ADARB1: variants seen among roughly 807,000 people sequenced by gnomAD.
The protein encoded by ADARB1 is adenosine deaminase RNA specific B1, also known as double-stranded RNA-specific editase 1.
ADARB1 carries 10 observed loss-of-function variants against 52.4 expected under a neutral mutation model. The ratio of observed to expected loss-of-function variants is 0.19; its 90% CI spans 0.12 to 0.32. The LOEUF (loss-of-function observed/expected upper bound fraction) is 0.32, where lower values mean the gene tolerates loss of function less well. Ranked by LOEUF, ADARB1 falls within the 10% of genes least tolerant of loss-of-function variation. The probability of loss-of-function intolerance (pLI) is 1.00; values close to 1 mark genes in which losing one functional copy is unlikely to be tolerated. For missense variants in ADARB1, 643 were observed against 922.3 expected (o/e 0.70, Z 3.92); for synonymous variants, 349 against 371.1 (o/e 0.94, Z 0.68).
rs572938428 is a variant in ADARB1, at chr21:45,183,608, A to C, written c.1396+98A>C. On this transcript the variant is annotated intron_variant, in intron 7 of 10. Transcript: ENST00000348831. ...TATCCCTTTTCCTTTTTTTCTTTTT[A>C]TTTTTAGACTTGGATGTGGATCTGA... 1.1e-5 allele frequency: 15 copies of C among 1,373,940 alleles called. No homozygotes were observed. The East Asian group carries it at 1.7e-4, about 16-fold the overall frequency. The allele number at this position is 1,373,940 out of a possible 1,614,324, so 85.1% of individuals were successfully genotyped here.
intron 9 of ADARB1, among the ~76,000 whole-genome samples, chr21:45,219,241 G>A (rs2092920005): frequency 6.6e-6 from 1 of 152,190 alleles, no homozygotes; most frequent in African/African-American, 2.4e-5. Flanking sequence ...AGAACTGAAT[G>A]GTGGCTAGGT....
At position 45,222,221 on chromosome 21, in the gene ADARB1, G is replaced by A; in HGVS notation, c.*24G>A. On this transcript the variant is annotated 3_prime_UTR_variant, in exon 11 of 11. Transcript: ENST00000348831. ...GACCCGGGCAGACATGATGGGGGGTGCAGGGGGCTGTGGGCATCCAGCGTC... is the reference window on the plus strand; with the variant it reads ...GACCCGGGCAGACATGATGGGGGGTACAGGGGGCTGTGGGCATCCAGCGTC... 2 of 1,534,062 alleles carry A rather than the reference G, an allele frequency of 1.3e-6. No individual in the cohort carries two copies. The highest frequency in any genetic ancestry group is 2.1e-5 in the Admixed American group (1 of 47,140).
At chr21:45,126,481 C>T (rs2088590549) in intron 1 of ADARB1, among the ~76,000 whole-genome samples, 1 of 152,186 alleles carries the variant, frequency 6.6e-6, no homozygotes, top group African/African-American at 2.4e-5. Context: ...CTACTGTGAT[C>T]TTAGTCACGG....
intron 1 of ADARB1, among the ~76,000 whole-genome samples, chr21:45,098,584 C>T (rs1214668578): frequency 6.6e-6 from 1 of 152,192 alleles, no homozygotes; most frequent in East Asian, 1.9e-4. Flanking sequence ...TCATCCCCAC[C>T]CTGCCTCTTC....
chr21:45,153,775 A>C (rs530359032), intron 2 of ADARB1, among the ~76,000 whole-genome samples: 19 of 152,288 alleles, frequency 1.2e-4, no homozygotes, highest in African/African-American at 3.1e-4. Flanking sequence ...TGGGGATGCC[A>C]CACCCTCGAT....
At chr21:45,171,587 G>C in intron 2 of ADARB1, 23 bp from the exon 3 acceptor site, 2 of 1,460,930 alleles carry the variant, frequency 1.4e-6, no homozygotes, top group Non-Finnish European at 1.9e-6. Flanking sequence ...CACACTAAAT[G>C]CTATTTTCTT....
intron 4 of ADARB1, among the ~76,000 whole-genome samples, chr21:45,179,002 A>C (rs982599636): frequency 1.3e-5 from 2 of 152,194 alleles, no homozygotes; most frequent in African/African-American, 4.8e-5. Flanking sequence ...TATGAAATGG[A>C]AACTTTTATT....
intron 1 of ADARB1, among the ~76,000 whole-genome samples, chr21:45,090,547 A>G (rs1362230606): frequency 6.6e-6 from 1 of 152,180 alleles, no homozygotes; most frequent in Admixed American, 6.5e-5. Context: ...CAACTGGTTT[A>G]CAAAATTCCT....
At chr21:45,169,012 A>G (rs1310743423) in intron 2 of ADARB1, among the ~76,000 whole-genome samples, 1 of 152,032 alleles carries the variant, frequency 6.6e-6, no homozygotes, top group Non-Finnish European at 1.5e-5. Flanking sequence ...TGGATGGGGG[A>G]TAAGTCCAAG....
chr21:45,109,335 T>C (rs2087426665), intron 1 of ADARB1, among the ~76,000 whole-genome samples: 1 of 152,272 alleles, frequency 6.6e-6, no homozygotes, highest in Non-Finnish European at 1.5e-5. Context: ...CGTATATGTG[T>C]GTGCACGTGT....
At chr21:45,170,553 A>G (rs957034839) in intron 2 of ADARB1, among the ~76,000 whole-genome samples, 4 of 151,824 alleles carry the variant, frequency 2.6e-5, no homozygotes, top group African/African-American at 9.7e-5. Flanking sequence ...AGTTATTAAC[A>G]TGATTTCATG....
chr21:45,129,046 C>T lies in ADARB1; in HGVS notation c.-48+473C>T, dbSNP rs553392647. On this transcript the variant is annotated intron_variant, in intron 2 of 10. Transcript: ENST00000348831. ...AGGAGTTTGAGACCAGCCTGGCCAA[C>T]GTGACGAAACCCCATCTCTACCAAA... Among the ~76,000 whole-genome samples, 10 of 152,214 alleles carry T rather than the reference C, an allele frequency of 6.6e-5. No individual in the cohort carries two copies. In the South Asian group the frequency reaches 1.7e-3, roughly 25 times the overall value.
intron 2 of ADARB1, among the ~76,000 whole-genome samples, chr21:45,148,465 G>T (rs2090119892): frequency 6.6e-6 from 1 of 152,214 alleles, no homozygotes; most frequent in Non-Finnish European, 1.5e-5. Context: ...TAGCACCAGG[G>T]CCTGGGCTCC....
At chr21:45,139,668 C>A (rs565215286) in intron 2 of ADARB1, among the ~76,000 whole-genome samples, 1 of 152,170 alleles carries the variant, frequency 6.6e-6, no homozygotes, top group Non-Finnish European at 1.5e-5. Flanking sequence ...CGCGTGCGCC[C>A]GTGGGCCCTG....
At chr21:45,082,930 C>T (rs1303726872) in intron 1 of ADARB1, among the ~76,000 whole-genome samples, 1 of 152,226 alleles carries the variant, frequency 6.6e-6, no homozygotes, top group African/African-American at 2.4e-5. Flanking sequence ...GCCTTCTTTC[C>T]TGCTGTCCCT....
rs1395066311 is a variant in ADARB1, at chr21:45,128,725, T to A, written c.-48+152T>A. On this transcript the variant is annotated intron_variant, in intron 2 of 10. Transcript: ENST00000348831. The surrounding 1 kb of genome is among the most constrained non-coding windows in gnomAD (Gnocchi z 4.6). The stretch of plus-strand genomic sequence containing the variant: ...CAGATGATCTGTTACTGTTGGTTGA[T>A]TTCTAATCTTACTGCAGCCTTAGCT... Among the ~76,000 whole-genome samples the A allele has an allele frequency of 1.3e-5, 2 of 152,222 alleles. No individual in the cohort carries two copies. Among genetic ancestry groups the A allele is most frequent in the African/African-American group, 4.8e-5 (2 of 41,456 alleles).
At chr21:45,084,827 A>G (rs1196424349) in intron 1 of ADARB1, among the ~76,000 whole-genome samples, 1 of 152,210 alleles carries the variant, frequency 6.6e-6, no homozygotes, top group Non-Finnish European at 1.5e-5. Context: ...GATTAGTAAC[A>G]GTTGGGCACA....
chr21:45,175,632 T>A, intron 3 of ADARB1, 98 bp from the exon 4 acceptor site: 1 of 1,217,718 alleles, frequency 8.2e-7, no homozygotes. Flanking sequence ...CACACATCAC[T>A]TAACCAGTTA....
rs1373050173 is a variant in ADARB1 at position 45,176,286 on chromosome 21, T to C, written c.585T>C (p.Asn195=). Residue 195 remains asparagine (N), a synonymous_variant, in exon 4 of 11, where the codon AAT becomes AAC. Coordinates refer to ENST00000348831, the MANE Select transcript of ADARB1 (RefSeq NM_001112.4). This position sits in a 1 kb window ranked among gnomAD's most constrained non-coding sequence, Gnocchi z 5.8. The part of the protein sequence containing the change: ...KAEPPFYVGS[N]GDDSFSSSGD... Reference sequence around the variant, plus strand: ...AGCCTCCCTTTTACGTGGGCTCCAATGGGGATGACTCCTTCAGTTCCAGCG... The same window carrying C: ...AGCCTCCCTTTTACGTGGGCTCCAACGGGGATGACTCCTTCAGTTCCAGCG... 3.1e-6 allele frequency: 5 copies of C among 1,614,214 alleles called. No homozygotes were observed. The highest frequency in any genetic ancestry group is 4.2e-6 in the Non-Finnish European group (5 of 1,180,034).
Sources: gnomAD v4.1 joint callset for allele counts (sites outside exome capture counted in the v4.1 genomes callset) on GRCh38, gnomAD v4.1.1 for gene constraint, Gnocchi (gnomAD v3.1) non-coding constraint, MANE v1.5 for transcripts, NCBI Gene and HGNC (gene_info 2026-07-23, HGNC 2026-07-21) for gene names.